ASIC2: variants seen among roughly 807,000 people sequenced by gnomAD.
ASIC2 encodes the protein acid-sensing ion channel 2.
Under a neutral mutation model 57.3 loss-of-function variants are expected in ASIC2, and 25 were observed. The ratio of observed to expected loss-of-function variants is 0.44; its 90% CI spans 0.32 to 0.61. ASIC2 has a LOEUF of 0.61. Ranked by LOEUF, ASIC2 falls within the 20% of genes least tolerant of loss-of-function variation. The probability of loss-of-function intolerance (pLI) is 0.06; values close to 1 mark genes in which losing one functional copy is unlikely to be tolerated. For missense variants in ASIC2, 641 were observed against 738.1 expected, an observed-to-expected ratio of 0.87 and a Z score of 1.52; for synonymous variants, 319 against 307.5, an observed-to-expected ratio of 1.04 and a Z score of -0.39.
At chr17:33,525,875 C>T (rs1914872273) in intron 1 of ASIC2, among the ~76,000 whole-genome samples, 1 of 152,200 alleles carries the variant, frequency 6.6e-6, no homozygotes, top group African/African-American at 2.4e-5. Context: ...CACTAGTCAT[C>T]AGTGGTCACT....
intron 1 of ASIC2, among the ~76,000 whole-genome samples, chr17:34,146,414 C>G (rs1185869429): frequency 6.6e-6 from 1 of 152,120 alleles, no homozygotes; most frequent in Non-Finnish European, 1.5e-5. Flanking sequence ...GGCACACCTT[C>G]TACAGGTGAT....
chr17:34,011,024 CAGA>C, intron 1 of ASIC2, among the ~76,000 whole-genome samples: 1 of 2,708 alleles, frequency 3.7e-4, no homozygotes, highest in African/African-American at 1.1e-3. Context: ...ATGCCAAAGT[CAGA>C]CACATGCACA....
intron 1 of ASIC2, among the ~76,000 whole-genome samples, chr17:33,914,059 G>A (rs967543911): frequency 2.6e-5 from 4 of 152,200 alleles, no homozygotes; most frequent in Non-Finnish European, 5.9e-5. Context: ...ATAAATAAGG[G>A]AAAGGGGGCG....
intron 1 of ASIC2, among the ~76,000 whole-genome samples, chr17:33,865,692 T>C (rs897865217): frequency 1.3e-5 from 2 of 148,212 alleles, no homozygotes; most frequent in African/African-American, 5.0e-5. Context: ...GGCACATGTA[T>C]ACATATGTAA....
intron 3 of ASIC2, among the ~76,000 whole-genome samples, chr17:33,057,970 G>A (rs1200156195): frequency 1.3e-5 from 2 of 152,076 alleles, no homozygotes; most frequent in Admixed American, 1.3e-4. Context: ...TTACAAATTC[G>A]AGTTTCCCAG....
intron 1 of ASIC2, among the ~76,000 whole-genome samples, chr17:33,481,739 G>A (rs2141927422): frequency 6.6e-6 from 1 of 152,144 alleles, no homozygotes; most frequent in East Asian, 1.9e-4. Flanking sequence ...AAAACCTCTT[G>A]ACCTGGTGCA....
At chr17:33,344,544 C>T (rs1324772209) in intron 1 of ASIC2, among the ~76,000 whole-genome samples, 1 of 152,116 alleles carries the variant, frequency 6.6e-6, no homozygotes, top group African/African-American at 2.4e-5. Context: ...AGCCCCAAGC[C>T]AAGGATTTAC....
chr17:33,247,543 A>G (rs74887113), intron 1 of ASIC2, among the ~76,000 whole-genome samples: 4,800 of 152,292 alleles, frequency 0.032, 239 homozygotes, highest in African/African-American at 0.1. Context: ...TTTTTGGAGG[A>G]AGCGTTTCCA....
At chr17:33,817,759 A>C (rs1385085422) in intron 1 of ASIC2, among the ~76,000 whole-genome samples, 1 of 152,128 alleles carries the variant, frequency 6.6e-6, no homozygotes, top group African/African-American at 2.4e-5. Flanking sequence ...TTCCTAAAGA[A>C]CCCACGATTT....
intron 1 of ASIC2, among the ~76,000 whole-genome samples, chr17:33,663,774 G>C (rs933589615): frequency 1.3e-5 from 2 of 152,238 alleles, no homozygotes; most frequent in East Asian, 1.9e-4. Context: ...CAGCAACTGT[G>C]ATTGCTGTCA....
chr17:33,883,470 A>T (rs560376013), intron 1 of ASIC2, among the ~76,000 whole-genome samples: 1 of 152,238 alleles, frequency 6.6e-6, no homozygotes, highest in South Asian at 2.1e-4. Context: ...GGATCTGTAG[A>T]CTCATCAGAT....
intron 1 of ASIC2, among the ~76,000 whole-genome samples, chr17:33,901,750 G>A (rs966435397): frequency 2.6e-5 from 4 of 152,168 alleles, no homozygotes; most frequent in Non-Finnish European, 5.9e-5. Flanking sequence ...TTGGTAAATA[G>A]AGGTGTAGTG....
At chr17:33,956,233 TGAA>T (rs1302131716) in intron 1 of ASIC2, among the ~76,000 whole-genome samples, 4 of 152,196 alleles carry the variant, frequency 2.6e-5, no homozygotes, top group Non-Finnish European at 5.9e-5. Context: ...AAAGCGCTCT[TGAA>T]GAAGAGTTTC....
chr17:33,922,894 G>T (rs1199809734), intron 1 of ASIC2, among the ~76,000 whole-genome samples: 1 of 152,074 alleles, frequency 6.6e-6, no homozygotes, highest in Non-Finnish European at 1.5e-5. Flanking sequence ...CAGCTGGCTG[G>T]GGATCTCTTG....
At chr17:33,546,098 C>G (rs1915566005) in intron 1 of ASIC2, among the ~76,000 whole-genome samples, 1 of 149,214 alleles carries the variant, frequency 6.7e-6, no homozygotes. Flanking sequence ...GTGAAGTTTT[C>G]TCATATATAT....
chr17:33,104,764 T>C (rs552590922), intron 2 of ASIC2, among the ~76,000 whole-genome samples: 99 of 152,336 alleles, frequency 6.5e-4, no homozygotes, highest in Non-Finnish European at 1.2e-3. Context: ...TATGACCACA[T>C]TGTGAACATT....
chr17:33,857,799 T>C (rs553256741), intron 1 of ASIC2, among the ~76,000 whole-genome samples: 1 of 152,330 alleles, frequency 6.6e-6, no homozygotes, highest in Non-Finnish European at 1.5e-5. Context: ...ATTTTGTAGA[T>C]CCAGAAACTT....
intron 1 of ASIC2, among the ~76,000 whole-genome samples, chr17:34,013,561 C>T (rs1004205930): frequency 6.6e-6 from 1 of 152,206 alleles, no homozygotes; most frequent in Non-Finnish European, 1.5e-5. Context: ...AAAGGCTGTG[C>T]TGAGACAAGA....
intron 1 of ASIC2, among the ~76,000 whole-genome samples, chr17:33,933,644 C>A (rs562345811): frequency 1.3e-5 from 2 of 152,110 alleles, no homozygotes; most frequent in Non-Finnish European, 2.9e-5. Context: ...GGATGAGGAC[C>A]AACTTAGCAG....
Sources: allele counts gnomAD v4.1 joint callset (sites outside exome capture counted in the v4.1 genomes callset), GRCh38; gene constraint gnomAD v4.1.1; transcripts MANE v1.5; gene names NCBI Gene and HGNC (gene_info 2026-07-23, HGNC 2026-07-21).